Variants in IMPG1 observed in about 807,000 individuals in gnomAD.
The protein encoded by IMPG1 is interphotoreceptor matrix proteoglycan of 150 kDa.
IMPG1 carries 85 observed loss-of-function variants against 92.0 expected under a neutral mutation model. The observed-to-expected ratio is 0.92, with a 90% CI of 0.78 to 1.11. The LOEUF (loss-of-function observed/expected upper bound fraction) is 1.11, where lower values mean the gene tolerates loss of function less well. Ranked by LOEUF, IMPG1 falls within the 50% of genes least tolerant of loss-of-function variation. The pLI, the probability that IMPG1 is intolerant of heterozygous loss-of-function variation, is 0.00. For synonymous variants in IMPG1, 367 were observed against 334.1 expected (o/e 1.10, Z -1.08); for missense variants, 1,022 against 956.0 (o/e 1.07, Z -0.91).
At chr6:75,988,205 C>G (rs1782753925) in intron 12 of IMPG1, among the ~76,000 whole-genome samples, 1 of 152,230 alleles carries the variant, frequency 6.6e-6, no homozygotes, top group Non-Finnish European at 1.5e-5. Context: ...ACACTGTCTT[C>G]CACAATGGTT....
chr6:75,989,783 C>T (rs1782784372), intron 12 of IMPG1, among the ~76,000 whole-genome samples: 1 of 152,188 alleles, frequency 6.6e-6, no homozygotes, highest in Non-Finnish European at 1.5e-5. Flanking sequence ...GTGGAGGCTG[C>T]AGTGAGCTGA....
chr6:76,009,700 G>C (rs543747621), intron 8 of IMPG1, among the ~76,000 whole-genome samples: 17 of 152,148 alleles, frequency 1.1e-4, no homozygotes, highest in Non-Finnish European at 2.2e-4. Flanking sequence ...ATAAGCACTT[G>C]GTAAAAATTC....
Position 75,936,252 on chromosome 6 carries a change from C to G in IMPG1, c.2045-5101G>C, listed in dbSNP as rs368673021. 1.2e-3 allele frequency among the ~76,000 whole-genome samples: 176 copies of G among 152,330 alleles called. 1 individual carries two copies. Among genetic ancestry groups the G allele is most frequent in the African/African-American group, 4.1e-3 (169 of 41,578 alleles). On this transcript the variant is annotated intron_variant, in intron 14 of 16. Coordinates refer to ENST00000369950, the MANE Select transcript of IMPG1 (RefSeq NM_001563.4). ...CTAATGTCCCTCCAACTCAAACATA[C>G]GTCTCCCATTCTGCGTGTTCCACGG...
intron 1 of IMPG1, among the ~76,000 whole-genome samples, chr6:76,068,843 C>T (rs1231835774): frequency 1.3e-5 from 2 of 151,732 alleles, no homozygotes; most frequent in African/African-American, 2.4e-5. Flanking sequence ...AAACAATCCC[C>T]GAATTCAATG....
At chr6:76,025,961 A>G (rs543878825) in intron 4 of IMPG1, among the ~76,000 whole-genome samples, 14 of 152,176 alleles carry the variant, frequency 9.2e-5, no homozygotes, top group African/African-American at 3.4e-4. Flanking sequence ...AGGTGGGAGG[A>G]GGTCCCCCCA....
chr6:75,978,117 T>C (rs1036349110), intron 12 of IMPG1, among the ~76,000 whole-genome samples: 20 of 151,956 alleles, frequency 1.3e-4, no homozygotes, highest in African/African-American at 4.8e-4. Flanking sequence ...GTAAATATTA[T>C]AAATATTTAC....
At chr6:76,028,473 T>C (rs986867837) in intron 4 of IMPG1, among the ~76,000 whole-genome samples, 1 of 152,238 alleles carries the variant, frequency 6.6e-6, no homozygotes, top group Non-Finnish European at 1.5e-5. Flanking sequence ...TTTCTTGGAA[T>C]ACTGCTGATC....
intron 12 of IMPG1, among the ~76,000 whole-genome samples, chr6:75,992,370 T>A (rs973691891): frequency 6.6e-6 from 1 of 152,244 alleles, no homozygotes; most frequent in Non-Finnish European, 1.5e-5. Context: ...AACTCCAGCA[T>A]GAAAAGAAAT....
intron 12 of IMPG1, among the ~76,000 whole-genome samples, chr6:75,987,910 G>A (rs1782745588): frequency 6.6e-6 from 1 of 152,128 alleles, no homozygotes; most frequent in Non-Finnish European, 1.5e-5. Context: ...GCCTCCCAAA[G>A]TGCTGGGATT....
At chr6:75,961,399 TCC>T (rs1163791153) in intron 12 of IMPG1, among the ~76,000 whole-genome samples, 2 of 152,206 alleles carry the variant, frequency 1.3e-5, no homozygotes, top group African/African-American at 4.8e-5. Flanking sequence ...ATGTTAATTA[TCC>T]ACTCATTCAA....
intron 12 of IMPG1, among the ~76,000 whole-genome samples, chr6:75,993,858 G>C (rs868626791): frequency 6.6e-6 from 1 of 152,210 alleles, no homozygotes; most frequent in African/African-American, 2.4e-5. Context: ...ACTGAGGGAT[G>C]ATCAGAGAAT....
At chr6:76,023,377 TA>T (rs1181500966) in intron 5 of IMPG1, among the ~76,000 whole-genome samples, 5 of 152,204 alleles carry the variant, frequency 3.3e-5, no homozygotes, top group Non-Finnish European at 5.9e-5. Context: ...TTTGTTACAA[TA>T]AAAAAGTACT....
intron 1 of IMPG1, among the ~76,000 whole-genome samples, chr6:76,049,358 G>T (rs1342255484): frequency 6.6e-6 from 1 of 152,116 alleles, no homozygotes; most frequent in Non-Finnish European, 1.5e-5. Flanking sequence ...AATAAAAAAA[G>T]ATTTGTCTTT....
rs1562334918 is a variant in IMPG1, at chr6:75,924,619, TATAATA to T, written c.2244-919_2244-914del. 2.5e-4 allele frequency among the ~76,000 whole-genome samples: 10 copies of T among 40,696 alleles called. 2 individuals are homozygous for T. The highest frequency in any genetic ancestry group is 9.9e-4 in the African/African-American group (10 of 10,114). The allele number at this position is 40,696 out of a possible 152,430, so 26.7% of individuals were successfully genotyped here. A position where few individuals can be genotyped will look rare whatever the true frequency, so the allele number is the denominator to read the frequency against. On this transcript the variant is annotated intron_variant, in intron 15 of 16. Coordinates refer to ENST00000369950, the MANE Select transcript of IMPG1 (RefSeq NM_001563.4). ...TATATATAATTAATTATATATAATATATAATAAATTATATATTATATATAATTAATT... is the reference window on the plus strand; with the variant it reads ...TATATATAATTAATTATATATAATATAATTATATATTATATATAATTAATT...
intron 2 of IMPG1, among the ~76,000 whole-genome samples, chr6:76,034,999 C>T (rs996065882): frequency 4.7e-5 from 7 of 149,976 alleles, no homozygotes; most frequent in Non-Finnish European, 7.4e-5. Context: ...ATATTATGTG[C>T]GTGTGTGTGT....
chr6:75,922,594 T>C (rs1781448465), intron 16 of IMPG1, among the ~76,000 whole-genome samples: 1 of 152,200 alleles, frequency 6.6e-6, no homozygotes, highest in South Asian at 2.1e-4. Flanking sequence ...GTTCTTCAAG[T>C]TTACTTCCTA....
intron 2 of IMPG1, among the ~76,000 whole-genome samples, chr6:76,035,858 T>A (rs1783734768): frequency 6.6e-6 from 1 of 152,112 alleles, no homozygotes; most frequent in Non-Finnish European, 1.5e-5. Context: ...AGAAAGGGAG[T>A]GAACTGAGTT....
chr6:76,046,359 C>T (rs189173914), intron 1 of IMPG1, among the ~76,000 whole-genome samples: 4 of 152,010 alleles, frequency 2.6e-5, no homozygotes, highest in East Asian at 1.9e-4. Flanking sequence ...AGGAAAACAA[C>T]CTTTAAGCCA....
At position 76,007,621 on chromosome 6, in the gene IMPG1, T is replaced by C. The variant is rs886640696; in HGVS notation, c.867-121A>G. 8.2e-5 allele frequency: 54 copies of C among 658,560 alleles called. 1 individual carries two copies. The East Asian group carries it at 1.3e-3, about 16-fold the overall frequency. 40.8% of individuals were successfully genotyped at this position (658,560 alleles called of 1,614,324 possible). A position where few individuals can be genotyped will look rare whatever the true frequency, so the allele number is the denominator to read the frequency against. ...AAAAAATATTTCTTTCCATTGTCTC[T>C]TTTGTTTGTTCAGAGCTTTGAAAGA... On this transcript the variant is annotated intron_variant, in intron 8 of 16. Coordinates refer to ENST00000369950, the MANE Select transcript of IMPG1 (RefSeq NM_001563.4).
Sources: allele counts gnomAD v4.1 joint callset (sites outside exome capture counted in the v4.1 genomes callset), GRCh38; gene constraint gnomAD v4.1.1; transcripts MANE v1.5; gene names NCBI Gene and HGNC (gene_info 2026-07-23, HGNC 2026-07-21).